The following ZNF385B variants were observed in gnomAD, a reference collection of about 807,000 sequenced individuals.
The protein encoded by ZNF385B is zinc finger protein 385B.
In ZNF385B, 23 loss-of-function variants were observed where a neutral mutation model predicts 39.2. The observed-to-expected ratio is 0.59, with a 90% CI of 0.42 to 0.83. ZNF385B has a LOEUF of 0.83. ZNF385B is among the 40% of genes least tolerant of loss of function. ZNF385B has a pLI of 0.00. For synonymous variants in ZNF385B, 205 were observed against 222.6 expected (o/e 0.92, Z 0.70); for missense variants, 552 against 598.9 (o/e 0.92, Z 0.82).
intron 5 of ZNF385B, among the ~76,000 whole-genome samples, chr2:179,488,903 G>C (rs1389525693): frequency 6.6e-6 from 1 of 152,090 alleles, no homozygotes; most frequent in East Asian, 1.9e-4. Flanking sequence ...TACCTGCCAT[G>C]GGCTAGATAT....
chr2:179,694,438 A>T (rs1216706260), intron 3 of ZNF385B, among the ~76,000 whole-genome samples: 3 of 151,708 alleles, frequency 2.0e-5, no homozygotes, highest in African/African-American at 4.8e-5. Context: ...TATGAAATTC[A>T]CTTGTAAAAT....
chr2:179,570,550 G>A lies in ZNF385B; in HGVS notation c.299-25581C>T, dbSNP rs891171981. On this transcript the variant is annotated intron_variant, in intron 3 of 9. Transcript: ENST00000410066. Reference sequence around the variant, plus strand: ...TCTTTTTTAGATTTGGAAGGGGAAGGACACTTATACAATGCTTAACACAGT... The same window carrying A: ...TCTTTTTTAGATTTGGAAGGGGAAGAACACTTATACAATGCTTAACACAGT... Among the ~76,000 whole-genome samples the A allele has an allele frequency of 2.6e-5, 4 of 152,134 alleles. No homozygotes were observed. The East Asian group carries it at 5.8e-4, about 22-fold the overall frequency.
At chr2:179,500,479 A>G (rs1279867525) in intron 5 of ZNF385B, among the ~76,000 whole-genome samples, 1 of 152,168 alleles carries the variant, frequency 6.6e-6, no homozygotes, top group Admixed American at 6.6e-5. Context: ...CAAAGGTGCC[A>G]ATAACATACA....
chr2:179,687,018 C>A (rs1244005753), intron 3 of ZNF385B, among the ~76,000 whole-genome samples: 1 of 147,980 alleles, frequency 6.8e-6, no homozygotes, highest in Non-Finnish European at 1.5e-5. Context: ...AATTAGTAGG[C>A]TAATTTCAGT....
chr2:179,696,919 G>C (rs1023152327), intron 3 of ZNF385B, among the ~76,000 whole-genome samples: 1 of 152,118 alleles, frequency 6.6e-6, no homozygotes, highest in Non-Finnish European at 1.5e-5. Flanking sequence ...GACAACAATA[G>C]TCGAACCACA....
chr2:179,739,843 T>A (rs10497550), intron 3 of ZNF385B, among the ~76,000 whole-genome samples: 3,234 of 152,220 alleles, frequency 0.021, 115 homozygotes, highest in African/African-American at 0.074. Flanking sequence ...TCAGAGCCCA[T>A]TACAGGATTT....
intron 1 of ZNF385B, among the ~76,000 whole-genome samples, chr2:179,788,097 G>A (rs1705111988): frequency 6.6e-6 from 1 of 152,138 alleles, no homozygotes; most frequent in Admixed American, 6.6e-5. Flanking sequence ...GTCAAAAAGT[G>A]TAACTTATGA....
intron 1 of ZNF385B, among the ~76,000 whole-genome samples, chr2:179,825,763 G>A (rs776417911): frequency 4.6e-5 from 7 of 152,144 alleles, no homozygotes; most frequent in African/African-American, 7.2e-5. Flanking sequence ...GCTTCACTGT[G>A]AGTCTCTGAA....
At chr2:179,650,069 T>C (rs557706305) in intron 3 of ZNF385B, among the ~76,000 whole-genome samples, 4 of 152,238 alleles carry the variant, frequency 2.6e-5, no homozygotes, top group Non-Finnish European at 1.5e-5. Flanking sequence ...TAATGACATA[T>C]GGTTAAATAA....
intron 3 of ZNF385B, among the ~76,000 whole-genome samples, chr2:179,671,152 G>A (rs1695942031): frequency 6.6e-6 from 1 of 152,212 alleles, no homozygotes; most frequent in Non-Finnish European, 1.5e-5. Context: ...TATTTGAGAT[G>A]GTTCTGGCGA....
intron 1 of ZNF385B, among the ~76,000 whole-genome samples, chr2:179,794,627 C>T (rs191599998): frequency 4.2e-3 from 637 of 152,088 alleles, no homozygotes; most frequent in African/African-American, 0.014. Context: ...TTTGATTTGG[C>T]GTAGAGATAG....
chr2:179,622,139 A>G (rs1168535651), intron 3 of ZNF385B, among the ~76,000 whole-genome samples: 1 of 152,220 alleles, frequency 6.6e-6, no homozygotes, highest in African/African-American at 2.4e-5. Context: ...ATAAAAAGAA[A>G]AAATTAGCAT....
intron 3 of ZNF385B, among the ~76,000 whole-genome samples, chr2:179,666,495 A>C (rs17770642): frequency 0.049 from 7,455 of 152,304 alleles, 235 homozygotes; most frequent in Middle Eastern, 0.075. Context: ...TTTCAAATGG[A>C]GAATATAGTT....
chr2:179,444,245 C>T (rs1254088516), intron 9 of ZNF385B, among the ~76,000 whole-genome samples: 2 of 152,204 alleles, frequency 1.3e-5, no homozygotes, highest in Non-Finnish European at 2.9e-5. Context: ...ACAAGCTCAG[C>T]TTCATCCTCA....
At chr2:179,765,409 A>G (rs991821950) in intron 3 of ZNF385B, among the ~76,000 whole-genome samples, 3 of 152,090 alleles carry the variant, frequency 2.0e-5, no homozygotes, top group Admixed American at 2.0e-4. Flanking sequence ...TGGGTTGAGG[A>G]GGGTACTTAT....
chr2:179,860,829 A>C (rs1356413417), intron 1 of ZNF385B: 1 of 456,822 alleles, frequency 2.2e-6, no homozygotes, highest in Admixed American at 2.4e-5. Flanking sequence ...GGAACAGAGG[A>C]GTATGCTCCT....
chr2:179,547,096 C>T (rs2060283749), intron 3 of ZNF385B, among the ~76,000 whole-genome samples: 1 of 149,436 alleles, frequency 6.7e-6, no homozygotes, highest in Non-Finnish European at 1.5e-5. Context: ...CTTGTTTGAG[C>T]TCCTTATAGA....
chr2:179,827,810 G>A (rs1707763454), intron 1 of ZNF385B, among the ~76,000 whole-genome samples: 1 of 152,094 alleles, frequency 6.6e-6, no homozygotes, highest in African/African-American at 2.4e-5. Flanking sequence ...GTCCCATGTA[G>A]CTAGCATCAA....
intron 3 of ZNF385B, among the ~76,000 whole-genome samples, chr2:179,733,782 C>CAAAA (rs11400555): frequency 9.7e-6 from 1 of 103,474 alleles, no homozygotes; most frequent in Non-Finnish European, 1.9e-5. Context: ...GACTCCGTCT[C>CAAAA]AAAAAAAAAA....
Sources: gnomAD v4.1 joint callset for allele counts (sites outside exome capture counted in the v4.1 genomes callset) on GRCh38, gnomAD v4.1.1 for gene constraint, MANE v1.5 for transcripts, NCBI Gene and HGNC (gene_info 2026-07-23, HGNC 2026-07-21) for gene names.